ANK3: variants seen among roughly 807,000 people sequenced by gnomAD.
ANK3 encodes ankyrin 3, also known as ankyrin-3.
A neutral mutation model predicts 370.9 loss-of-function variants in ANK3; 57 were observed. The ratio of observed to expected loss-of-function variants is 0.15; its 90% CI spans 0.12 to 0.19. The LOEUF is 0.19. Among genes scored for constraint, ANK3 ranks in the 10% least tolerant of loss-of-function variants. The pLI is 1.00. For missense variants in ANK3, 4,439 were observed against 5,302.1 expected (o/e 0.84, Z 5.06); for synonymous variants, 1,929 against 1,946.3 (o/e 0.99, Z 0.23).
At chr10:60,454,676 G>A (rs1234359154) in intron 2 of ANK3, among the ~76,000 whole-genome samples, 1 of 152,048 alleles carries the variant, frequency 6.6e-6, no homozygotes, top group African/African-American at 2.4e-5. Flanking sequence ...ACACAAAAGG[G>A]TTCTGCTGTT....
chr10:60,411,819 T>A (rs1037510730), intron 2 of ANK3, among the ~76,000 whole-genome samples: 1 of 152,154 alleles, frequency 6.6e-6, no homozygotes, highest in African/African-American at 2.4e-5. Context: ...ACTCATGAGA[T>A]TTTGAAATGA....
intron 1 of ANK3, among the ~76,000 whole-genome samples, chr10:60,658,556 T>C (rs1356041862): frequency 6.6e-6 from 1 of 152,108 alleles, no homozygotes; most frequent in Non-Finnish European, 1.5e-5. Flanking sequence ...AATATAGAGT[T>C]ATAATTTTGT....
In ANK3 at chr10:60,203,024, G is replaced by A; in HGVS notation, c.1370C>T (p.Ala457Val). The A allele has an allele frequency of 2.5e-6, 4 of 1,612,242 alleles. No individual in the cohort carries two copies. Among genetic ancestry groups the A allele is most frequent in the Non-Finnish European group, 3.4e-6 (4 of 1,178,824 alleles). ...TACCACATTGGTGGTGTTTGGTGAG[G>A]CTCCATGATGCATTAGTTGTGATAC... ...NIVSQLMHHG[A>V]SPNTTNVRGE... The change falls in exon 12 of 44, where the codon GCC (alanine) becomes GTC (valine). Residue 457 changes from alanine (A) to valine (V), a missense_variant. Transcript: ENST00000280772.
intron 2 of ANK3, among the ~76,000 whole-genome samples, chr10:60,606,741 C>G (rs183811911): frequency 7.2e-5 from 11 of 152,218 alleles, no homozygotes; most frequent in Non-Finnish European, 1.3e-4. Context: ...CATTCCCTAC[C>G]CAGCCGAGAA....
chr10:60,635,119 C>G (rs1253108481), intron 1 of ANK3, among the ~76,000 whole-genome samples: 1 of 152,110 alleles, frequency 6.6e-6, no homozygotes, highest in Non-Finnish European at 1.5e-5. Context: ...TTTCTAAAAC[C>G]TTAATGATTC....
chr10:60,301,123 G>A (rs894220229), intron 1 of ANK3, among the ~76,000 whole-genome samples: 3 of 135,218 alleles, frequency 2.2e-5, no homozygotes, highest in Non-Finnish European at 4.7e-5. Flanking sequence ...GAATACTTCC[G>A]ATATATATAT....
At chr10:60,217,243 T>G (rs945084620) in intron 8 of ANK3, among the ~76,000 whole-genome samples, 4 of 152,082 alleles carry the variant, frequency 2.6e-5, no homozygotes, top group East Asian at 1.9e-4. Flanking sequence ...TTTTGGGGGG[T>G]TTTCACGTCT....
rs534455070 is a variant in ANK3, at chr10:60,403,779, C to G, written c.97-124140G>C. 1.6e-4 allele frequency among the ~76,000 whole-genome samples: 24 copies of G among 152,126 alleles called. No individual in the cohort carries two copies. In the South Asian group the frequency reaches 1.7e-3, roughly 11 times the overall value. On this transcript the variant is annotated intron_variant, in intron 2 of 43. Transcript: ENST00000373827. ...GTATAATAAGGCAAAGAAAAGAGAG[C>G]CACAAGATTGGAGAGGAAGAGTAAA...
At position 60,278,892 on chromosome 10, in the gene ANK3, A is replaced by G. The variant is rs764421803; in HGVS notation, c.316-20T>C. 2.5e-6 allele frequency: 4 copies of G among 1,608,338 alleles called. No homozygotes were observed. The highest frequency in any genetic ancestry group is 3.4e-6 in the Non-Finnish European group (4 of 1,174,986). Reference sequence around the variant, plus strand: ...TCCTTTCTGTGAAATGAAAGTCAAGATATATCAACTCATCGATCTTTTGAA... The same window carrying G: ...TCCTTTCTGTGAAATGAAAGTCAAGGTATATCAACTCATCGATCTTTTGAA... On this transcript the variant is annotated intron_variant, in intron 3 of 43. Coordinates refer to ENST00000280772, the MANE Select transcript of ANK3 (RefSeq NM_020987.5).
chr10:60,356,904 T>C (rs2057833530), intron 1 of ANK3, among the ~76,000 whole-genome samples: 1 of 152,180 alleles, frequency 6.6e-6, no homozygotes, highest in African/African-American at 2.4e-5. Flanking sequence ...AGATGGGGTT[T>C]TGCCATGTTG....
chr10:60,632,814 C>T (rs1017448170), intron 1 of ANK3, among the ~76,000 whole-genome samples: 17 of 151,522 alleles, frequency 1.1e-4, no homozygotes, highest in Admixed American at 7.9e-4. Context: ...GCCAGAAAGC[C>T]GAGGCTGTAG....
intron 2 of ANK3, among the ~76,000 whole-genome samples, chr10:60,512,078 C>T (rs1376635677): frequency 1.3e-5 from 2 of 151,960 alleles, no homozygotes; most frequent in Non-Finnish European, 2.9e-5. Context: ...TCACATGTTT[C>T]CAGGAACTTT....
intron 9 of ANK3, among the ~76,000 whole-genome samples, 156 bp downstream of exon 9, chr10:60,213,256 G>C (rs546239598): frequency 6.6e-6 from 1 of 152,044 alleles, no homozygotes; most frequent in South Asian, 2.1e-4. Flanking sequence ...ATCTTAATTA[G>C]CCCAAACTTA....
At chr10:60,344,315 G>A (rs560749271) in intron 1 of ANK3, among the ~76,000 whole-genome samples, 16 of 152,280 alleles carry the variant, frequency 1.1e-4, no homozygotes, top group Non-Finnish European at 1.8e-4. Context: ...TTTCTTGGAT[G>A]CTAAGACAAA....
intron 7 of ANK3, among the ~76,000 whole-genome samples, chr10:60,250,783 G>A (rs138462045): frequency 9.2e-5 from 14 of 152,274 alleles, no homozygotes; most frequent in Non-Finnish European, 1.8e-4. Context: ...GTTTCTAAAT[G>A]TCCAGAGTCC....
At chr10:60,550,233 A>G (rs2077059587) in intron 2 of ANK3, among the ~76,000 whole-genome samples, 1 of 151,858 alleles carries the variant, frequency 6.6e-6, no homozygotes, top group African/African-American at 2.4e-5. Context: ...TTATGATTAT[A>G]TAAATGTAAT....
chr10:60,616,899 G>A (rs942976019), intron 1 of ANK3, among the ~76,000 whole-genome samples: 1 of 151,984 alleles, frequency 6.6e-6, no homozygotes, highest in Non-Finnish European at 1.5e-5. Context: ...ATAGTGAAAT[G>A]GTATGTACTT....
intron 16 of ANK3, 66 bp from the exon 17 acceptor site, chr10:60,186,978 A>C: frequency 6.8e-7 from 1 of 1,463,652 alleles, no homozygotes; most frequent in Non-Finnish European, 9.6e-7. Context: ...GTGCATTTTC[A>C]AATAGTTTAT....
intron 1 of ANK3, among the ~76,000 whole-genome samples, chr10:60,336,564 GATCTATCTATCT>G (rs78424635): frequency 0.077 from 11,593 of 150,548 alleles, 826 homozygotes; most frequent in East Asian, 0.23. Flanking sequence ...GGAATCTGGA[GATCTATCTATCT>G]ATCTATCTAT....
Sources: gnomAD v4.1 joint callset for allele counts (sites outside exome capture counted in the v4.1 genomes callset) on GRCh38, gnomAD v4.1.1 for gene constraint, MANE v1.5 for transcripts, NCBI Gene and HGNC (gene_info 2026-07-23, HGNC 2026-07-21) for gene names.